CPLX1: variants seen among roughly 807,000 people sequenced by gnomAD.
CPLX1 encodes the protein complexin-1.
CPLX1 carries 6 observed loss-of-function variants against 15.6 expected under a neutral mutation model. The observed-to-expected ratio is 0.39, with a 90% CI of 0.21 to 0.76. The LOEUF is 0.76. CPLX1 is among the 30% of genes least tolerant of loss of function. CPLX1 has a pLI of 0.43. For synonymous variants in CPLX1, 91 were observed against 75.2 expected, an observed-to-expected ratio of 1.21 and a Z score of -1.08; for missense variants, 242 against 188.6, an observed-to-expected ratio of 1.28 and a Z score of -1.66.
At chr4:788,492 G>T in intron 3 of CPLX1, 1 of 985,456 alleles carries the variant, frequency 1.0e-6, no homozygotes, top group Non-Finnish European at 1.2e-6. Flanking sequence ...ACAGAGCCGG[G>T]ACTCCAGGGG....
At chr4:824,998 G>A (rs942676294) in intron 1 of CPLX1, 1 of 355,054 alleles carries the variant, frequency 2.8e-6, no homozygotes, top group African/African-American at 2.1e-5. Flanking sequence ...GTGGAGAAGG[G>A]TTGGGGGTGG....
At chr4:788,342 G>T (rs1410444563) in intron 3 of CPLX1, 1 of 985,378 alleles carries the variant, frequency 1.0e-6, no homozygotes, top group African/African-American at 1.7e-5. Context: ...CTCTGGGTGT[G>T]GGGGGCCAGG....
intron 2 of CPLX1, among the ~76,000 whole-genome samples, chr4:815,214 T>C (rs7376271): frequency 1 from 151,455 of 152,006 alleles, 75,453 homozygotes; most frequent in Middle Eastern, 1. Flanking sequence ...AGTTCAAGAC[T>C]AGCCTGGCCA....
At chr4:822,232 C>G (rs900508592) in intron 2 of CPLX1, among the ~76,000 whole-genome samples, 1 of 151,504 alleles carries the variant, frequency 6.6e-6, no homozygotes, top group African/African-American at 2.4e-5. Flanking sequence ...CTCTCTGTCT[C>G]TCTCTCTCCT....
chr4:803,462 G>T (rs187225316), intron 2 of CPLX1, among the ~76,000 whole-genome samples: 1 of 152,082 alleles, frequency 6.6e-6, no homozygotes, highest in African/African-American at 2.4e-5. Context: ...GCCATCTCGG[G>T]TCACTGCAAG....
chr4:804,785 G>A, intron 2 of CPLX1: 1 of 985,438 alleles, frequency 1.0e-6, no homozygotes, highest in Non-Finnish European at 1.2e-6. Flanking sequence ...TGCCTGCAGA[G>A]TCCCAGAGAC....
chr4:800,807 G>A (rs376378891), intron 2 of CPLX1, among the ~76,000 whole-genome samples: 13 of 134,110 alleles, frequency 9.7e-5, no homozygotes, highest in African/African-American at 8.3e-5. Flanking sequence ...ATACACACAC[G>A]TATGTATATA....
chr4:803,141 G>A (rs1170367900), intron 2 of CPLX1, among the ~76,000 whole-genome samples: 1 of 152,160 alleles, frequency 6.6e-6, no homozygotes, highest in Non-Finnish European at 1.5e-5. Context: ...TCCCAAATAA[G>A]ACAGGAAGAG....
At position 785,731 on chromosome 4, in the gene CPLX1, T is replaced by A. The variant is rs1431223985; in HGVS notation, c.*770A>T. 1 of 151,786 alleles carries A rather than the reference T, an allele frequency of 6.6e-6. No individual in the cohort carries two copies. The highest frequency in any genetic ancestry group is 2.0e-4 in the East Asian group (1 of 5,108). The allele number at this position is 151,786 out of a possible 1,614,324, so 9.4% of individuals were successfully genotyped here. On this transcript the variant is annotated 3_prime_UTR_variant, in exon 4 of 4. Coordinates refer to ENST00000304062, the MANE Select transcript of CPLX1 (RefSeq NM_006651.4). ...TCTGCGGCTCCTGTGGAGGGTGCAG[T>A]GTTCAATGGCCGAGGGCAGGGGTCC...
At chr4:797,032 G>T (rs1233866158) in intron 2 of CPLX1, among the ~76,000 whole-genome samples, 2 of 152,226 alleles carry the variant, frequency 1.3e-5, no homozygotes, top group Non-Finnish European at 2.9e-5. Flanking sequence ...AGTATCCCCA[G>T]ATGGGACAGG....
chr4:795,225 G>A (rs1193753183), intron 2 of CPLX1, among the ~76,000 whole-genome samples: 1 of 152,268 alleles, frequency 6.6e-6, no homozygotes, highest in African/African-American at 2.4e-5. Flanking sequence ...CAGAAACTGC[G>A]GGAAGCTTGT....
intron 2 of CPLX1, 133 bp downstream of exon 2, chr4:824,359 C>G: frequency 1.2e-6 from 1 of 813,430 alleles, no homozygotes; most frequent in Admixed American, 2.0e-5. Context: ...CTGCCCCAGG[C>G]TCCTGTGCAG....
intron 3 of CPLX1, chr4:788,087 C>T (rs998336941): frequency 9.1e-6 from 9 of 985,436 alleles, no homozygotes; most frequent in African/African-American, 5.2e-5. Context: ...GAGCACACCG[C>T]GGGATCACCA....
Position 819,657 on chromosome 4 carries a change from G to A in CPLX1, c.31+4835C>T, listed in dbSNP as rs533942285. Among the ~76,000 whole-genome samples, 255 of 138,168 alleles carry A rather than the reference G, an allele frequency of 1.8e-3. 1 individual carries two copies. Among genetic ancestry groups the A allele is most frequent in the Non-Finnish European group, 1.7e-3 (108 of 61,922 alleles). The allele number at this position is 138,168 out of a possible 152,430, so 90.6% of individuals were successfully genotyped here. On this transcript the variant is annotated intron_variant, in intron 2 of 3. Coordinates refer to ENST00000304062, the MANE Select transcript of CPLX1 (RefSeq NM_006651.4). ...GGGTGTGAGTCAGGCACTGTGGGACGCCTGCCCAACACCCGGCCTCTGTTT... is the reference window on the plus strand; with the variant it reads ...GGGTGTGAGTCAGGCACTGTGGGACACCTGCCCAACACCCGGCCTCTGTTT...
At chr4:801,245 C>T (rs1746453382) in intron 2 of CPLX1, among the ~76,000 whole-genome samples, 1 of 151,802 alleles carries the variant, frequency 6.6e-6, no homozygotes, top group Non-Finnish European at 1.5e-5. Context: ...TTGCTTGAAC[C>T]TGGGAGGTGG....
In CPLX1 at chr4:785,566, C is replaced by G. The variant is rs1188236054; in HGVS notation, c.*935G>C. The G allele has an allele frequency of 6.6e-6, 1 of 151,420 alleles. No homozygotes were observed. The highest frequency in any genetic ancestry group is 1.9e-4 in the East Asian group (1 of 5,148). The allele number at this position is 151,420 out of a possible 1,614,324, so 9.4% of individuals were successfully genotyped here. ...AGGAGAAACAGGGGCTCGGATGCCGCCCCGCAGGGCCACCAGGTGGATTAG... is the reference window on the plus strand; with the variant it reads ...AGGAGAAACAGGGGCTCGGATGCCGGCCCGCAGGGCCACCAGGTGGATTAG... On this transcript the variant is annotated 3_prime_UTR_variant, in exon 4 of 4. Coordinates refer to ENST00000304062, the MANE Select transcript of CPLX1 (RefSeq NM_006651.4).
At chr4:817,120 A>T (rs1746771122) in intron 2 of CPLX1, among the ~76,000 whole-genome samples, 1 of 152,144 alleles carries the variant, frequency 6.6e-6, no homozygotes, top group Non-Finnish European at 1.5e-5. Context: ...AGTGCACATT[A>T]AACAGATGCA....
chr4:810,240 G>A (rs1000094746), intron 2 of CPLX1, among the ~76,000 whole-genome samples: 19 of 151,688 alleles, frequency 1.3e-4, no homozygotes, highest in African/African-American at 2.9e-4. Flanking sequence ...TAGTAGAGAC[G>A]GGGTTTCACC....
At chr4:794,629 G>A (rs1746280278) in intron 2 of CPLX1, among the ~76,000 whole-genome samples, 1 of 152,214 alleles carries the variant, frequency 6.6e-6, no homozygotes, top group African/African-American at 2.4e-5. Context: ...AGCCCCCACA[G>A]TCCTGACTGC....
Sources: gnomAD v4.1 joint callset for allele counts (sites outside exome capture counted in the v4.1 genomes callset) on GRCh38, gnomAD v4.1.1 for gene constraint, MANE v1.5 for transcripts, NCBI Gene and HGNC (gene_info 2026-07-23, HGNC 2026-07-21) for gene names.